TFPI: variants seen among roughly 807,000 people sequenced by gnomAD.
The protein encoded by TFPI is tissue factor pathway inhibitor.
A neutral mutation model predicts 34.6 loss-of-function variants in TFPI; 15 were observed. The observed-to-expected ratio is 0.43, with a 90% CI of 0.29 to 0.67. TFPI has a LOEUF of 0.67. Ranked by LOEUF, TFPI falls within the 30% of genes least tolerant of loss-of-function variation. The probability of loss-of-function intolerance (pLI) is 0.15; values close to 1 mark genes in which losing one functional copy is unlikely to be tolerated. For synonymous variants in TFPI, 105 were observed against 120.1 expected, an observed-to-expected ratio of 0.87 and a Z score of 0.82; for missense variants, 301 against 364.0, an observed-to-expected ratio of 0.83 and a Z score of 1.41.
At chr2:187,511,620 A>G (rs1686640429) in intron 1 of TFPI, among the ~76,000 whole-genome samples, 1 of 152,174 alleles carries the variant, frequency 6.6e-6, no homozygotes. Flanking sequence ...ACTGGCCAGC[A>G]TTAGAGGTGG....
At chr2:187,522,485 A>G (rs892086580) in intron 1 of TFPI, among the ~76,000 whole-genome samples, 1 of 152,068 alleles carries the variant, frequency 6.6e-6, no homozygotes, top group African/African-American at 2.4e-5. Flanking sequence ...GATCTGCTGT[A>G]CAACATATTG....
intron 1 of TFPI, chr2:187,547,816 C>A (rs1456928292): frequency 2.0e-5 from 3 of 152,056 alleles, no homozygotes; most frequent in Non-Finnish European, 4.4e-5. Flanking sequence ...TCTAAATTGC[C>A]ATTCATCTCT....
At chr2:187,542,866 C>CAAAA (rs11393601) in intron 1 of TFPI, among the ~76,000 whole-genome samples, 11 of 121,732 alleles carry the variant, frequency 9.0e-5, no homozygotes, top group African/African-American at 3.2e-4. Flanking sequence ...GACTTAGTCT[C>CAAAA]AAAAAAAAAA....
In TFPI at chr2:187,476,102, A is replaced by T. The variant is rs902796243; in HGVS notation, c.628+8022T>A. On this transcript the variant is annotated intron_variant, in intron 6 of 7. Transcript: ENST00000233156. ...TGAAAGTAACAAGTATTGAGTTGGC[A>T]TGGTCAACAGGGACTGATTCTAGAA... Among the ~76,000 whole-genome samples the T allele has an allele frequency of 3.9e-5, 6 of 152,198 alleles. No homozygotes were observed. In the East Asian group the frequency reaches 7.7e-4, roughly 20 times the overall value.
At chr2:187,517,580 A>G (rs891971465) in intron 1 of TFPI, 8 of 152,210 alleles carry the variant, frequency 5.3e-5, no homozygotes, top group African/African-American at 1.9e-4. Flanking sequence ...TAATTTTAAA[A>G]TAAGTGTGAT....
chr2:187,515,572 A>G (rs887344018), intron 1 of TFPI: 1 of 152,166 alleles, frequency 6.6e-6, no homozygotes, highest in Admixed American at 6.5e-5. Flanking sequence ...CACACCCAGA[A>G]GCTGACTGGT....
intron 1 of TFPI, among the ~76,000 whole-genome samples, chr2:187,547,953 T>G (rs1189130542): frequency 6.6e-6 from 1 of 152,136 alleles, no homozygotes; most frequent in Non-Finnish European, 1.5e-5. Flanking sequence ...TTGATATTTT[T>G]GGAAGTTACA....
At chr2:187,506,263 A>G (rs2106133560) in intron 1 of TFPI, among the ~76,000 whole-genome samples, 1 of 152,206 alleles carries the variant, frequency 6.6e-6, no homozygotes, top group South Asian at 2.1e-4. Flanking sequence ...TGCTGTAAAC[A>G]TCTGCTTGAT....
intron 1 of TFPI, among the ~76,000 whole-genome samples, chr2:187,535,135 A>G (rs1688179287): frequency 6.6e-6 from 1 of 152,304 alleles, no homozygotes; most frequent in African/African-American, 2.4e-5. Flanking sequence ...ACACAATAAT[A>G]GTGGGAGACT....
intron 1 of TFPI, among the ~76,000 whole-genome samples, chr2:187,529,714 G>A (rs768313830): frequency 6.6e-6 from 1 of 152,168 alleles, no homozygotes; most frequent in Non-Finnish European, 1.5e-5. Context: ...CTCTAACTTG[G>A]TTGCAAGTTT....
intron 1 of TFPI, among the ~76,000 whole-genome samples, chr2:187,530,949 G>A (rs967946548): frequency 7.2e-5 from 11 of 152,224 alleles, no homozygotes; most frequent in African/African-American, 1.2e-4. Flanking sequence ...AATGGGCCTC[G>A]AGTATAAACT....
Position 187,527,734 on chromosome 2 carries a change from C to A in TFPI, c.-2-23964G>T, listed in dbSNP as rs573570082. On this transcript the variant is annotated intron_variant, in intron 1 of 7. Transcript: ENST00000233156. ...TAATATTAGAAGTGCAAAGATGTAT[C>A]ATTATAAAACATCATTTTTTATAAT... 4.6e-5 allele frequency among the ~76,000 whole-genome samples: 7 copies of A among 152,244 alleles called. No homozygotes were observed. In the East Asian group the frequency reaches 7.7e-4, roughly 17 times the overall value.
intron 1 of TFPI, among the ~76,000 whole-genome samples, chr2:187,511,051 C>A (rs1425455150): frequency 6.6e-6 from 1 of 152,204 alleles, no homozygotes; most frequent in African/African-American, 2.4e-5. Flanking sequence ...TGTGGGGACT[C>A]CAGCCAGCTT....
chr2:187,472,752 C>T lies in TFPI; in HGVS notation c.629-4820G>A, dbSNP rs548335032. 2.9e-3 allele frequency among the ~76,000 whole-genome samples: 434 copies of T among 152,194 alleles called. 3 individuals are homozygous for T. The highest frequency in any genetic ancestry group is 5.4e-3 in the Non-Finnish European group (365 of 68,008). Reference sequence around the variant, plus strand: ...CACGGCCAGGCGTGGTGGCTCACACCTGTAATCCCAGCACTTTGGGAGGCC... The same window carrying T: ...CACGGCCAGGCGTGGTGGCTCACACTTGTAATCCCAGCACTTTGGGAGGCC... On this transcript the variant is annotated intron_variant, in intron 6 of 7. Transcript: ENST00000233156.
At chr2:187,512,784 C>T (rs1032902843) in intron 1 of TFPI, among the ~76,000 whole-genome samples, 17 of 151,742 alleles carry the variant, frequency 1.1e-4, no homozygotes, top group Admixed American at 3.3e-4. Context: ...TGGGGGGGGC[C>T]GCGAAATTTA....
At chr2:187,495,234 A>G (rs778473306) in intron 3 of TFPI, among the ~76,000 whole-genome samples, 2 of 152,244 alleles carry the variant, frequency 1.3e-5, no homozygotes, top group Non-Finnish European at 2.9e-5. Flanking sequence ...GAACAGGTAT[A>G]TATTTCAGGA....
intron 1 of TFPI, among the ~76,000 whole-genome samples, chr2:187,524,476 T>G (rs1046135351): frequency 6.6e-6 from 1 of 152,062 alleles, no homozygotes; most frequent in Admixed American, 6.5e-5. Flanking sequence ...TTTCTATTCT[T>G]AGCACAGGCA....
At chr2:187,537,115 G>T (rs1688303304) in intron 1 of TFPI, among the ~76,000 whole-genome samples, 2 of 152,180 alleles carry the variant, frequency 1.3e-5, no homozygotes, top group African/African-American at 4.8e-5. Context: ...AACAGTTCAT[G>T]CTCATGGATA....
At chr2:187,501,749 C>A (rs1260683198) in intron 2 of TFPI, among the ~76,000 whole-genome samples, 1 of 152,112 alleles carries the variant, frequency 6.6e-6, no homozygotes, top group Non-Finnish European at 1.5e-5. Flanking sequence ...TTGCCTTTCA[C>A]TAAATGTTCA....
Sources: gnomAD v4.1 joint callset for allele counts (sites outside exome capture counted in the v4.1 genomes callset) on GRCh38, gnomAD v4.1.1 for gene constraint, MANE v1.5 for transcripts, NCBI Gene and HGNC (gene_info 2026-07-23, HGNC 2026-07-21) for gene names.